Variants in ITPR2 observed in about 807,000 individuals in gnomAD.
ITPR2 encodes inositol 1,4,5-trisphosphate-gated calcium channel ITPR2.
ITPR2 carries 207 observed loss-of-function variants against 317.1 expected under a neutral mutation model. The observed-to-expected ratio is 0.65, with a 90% CI of 0.58 to 0.73. The LOEUF is 0.73. Ranked by LOEUF, ITPR2 falls within the 30% of genes least tolerant of loss-of-function variation. ITPR2 has a pLI of 0.00. For missense variants in ITPR2, 2,613 were observed against 3,284.0 expected (o/e 0.80, Z 4.99); for synonymous variants, 1,156 against 1,149.1 (o/e 1.01, Z -0.12).
chr12:26,564,009 C>T (rs78913318), intron 34 of ITPR2, among the ~76,000 whole-genome samples: 5,520 of 152,226 alleles, frequency 0.036, 273 homozygotes, highest in African/African-American at 0.1. Context: ...TAATTATTGT[C>T]CTCAGAGAAT....
intron 1 of ITPR2, among the ~76,000 whole-genome samples, chr12:26,820,971 G>C (rs1950929993): frequency 6.6e-6 from 1 of 152,126 alleles, no homozygotes; most frequent in Non-Finnish European, 1.5e-5. Context: ...ACCAGGGGCT[G>C]GGGTAAGGAG....
At position 26,381,562 on chromosome 12, in the gene ITPR2, C is replaced by T. The variant is rs536340605; in HGVS notation, c.7857+5872G>A. ...TGCATAACAAAGATTTTCTCTATAC[C>T]TGATTATAGCTTTCAAGAAACTTAT... On this transcript the variant is annotated intron_variant, in intron 55 of 56. Coordinates refer to ENST00000381340, the MANE Select transcript of ITPR2 (RefSeq NM_002223.4). 2.8e-4 allele frequency among the ~76,000 whole-genome samples: 42 copies of T among 152,242 alleles called. No homozygotes were observed. The South Asian group carries it at 8.3e-3, about 30-fold the overall frequency.
chr12:26,596,990 C>T lies in ITPR2; in HGVS notation c.4147G>A (p.Ala1383Thr). 6.2e-7 allele frequency: 1 copy of T among 1,613,646 alleles called. No homozygotes were observed. The change falls in exon 31 of 57, where the codon GCA becomes ACA. Residue 1383 changes from alanine to threonine, a missense_variant. Transcript: ENST00000381340. ...AYHITLVELL[A>T]ACTEGKNVYT... ...ACATTTTTCCCCTCTGTGCATGCTG[C>T]CAGCAACTCCACCAGGGTGATGTGG...
chr12:26,441,266 C>T (rs1941482825), intron 46 of ITPR2, among the ~76,000 whole-genome samples: 1 of 152,134 alleles, frequency 6.6e-6, no homozygotes, highest in South Asian at 2.1e-4. Flanking sequence ...GAGGGCAATT[C>T]CTTCTTAGAT....
intron 45 of ITPR2, among the ~76,000 whole-genome samples, chr12:26,468,620 T>C (rs1373260388): frequency 6.6e-6 from 1 of 151,260 alleles, no homozygotes; most frequent in Non-Finnish European, 1.5e-5. Flanking sequence ...TAAGCTCCAG[T>C]GGCAGAAATT....
chr12:26,619,178 T>A, intron 26 of ITPR2, among the ~76,000 whole-genome samples: 1 of 152,362 alleles, frequency 6.6e-6, no homozygotes, highest in South Asian at 2.1e-4. Context: ...ATATATCACA[T>A]AGGGAACTGG....
At chr12:26,802,719 C>G (rs542531202) in intron 1 of ITPR2, among the ~76,000 whole-genome samples, 24 of 151,516 alleles carry the variant, frequency 1.6e-4, no homozygotes, top group Non-Finnish European at 3.4e-4. Context: ...ATAAAGAGAG[C>G]CATTACATCA....
intron 34 of ITPR2, among the ~76,000 whole-genome samples, chr12:26,569,877 GGC>G (rs1414506550): frequency 1.3e-5 from 2 of 152,058 alleles, no homozygotes; most frequent in Non-Finnish European, 2.9e-5. Context: ...CTCTACAGAG[GGC>G]AGCATCCGTC....
intron 37 of ITPR2, among the ~76,000 whole-genome samples, chr12:26,519,125 C>T (rs1943601336): frequency 6.6e-6 from 1 of 152,168 alleles, no homozygotes; most frequent in African/African-American, 2.4e-5. Flanking sequence ...CAATCCAGCA[C>T]TTTTTAACTG....
intron 2 of ITPR2, among the ~76,000 whole-genome samples, chr12:26,773,061 A>T (rs1949900711): frequency 6.6e-6 from 1 of 152,196 alleles, no homozygotes; most frequent in Non-Finnish European, 1.5e-5. Flanking sequence ...AGCTTCAGCC[A>T]TGTCCCTGCA....
chr12:26,657,971 T>C (rs1947412198), intron 17 of ITPR2, 40 bp downstream of exon 17: 1 of 1,602,002 alleles, frequency 6.2e-7, no homozygotes. Context: ...TGCTTACAAA[T>C]AATCAACAGG....
chr12:26,443,626 G>A lies in ITPR2; in HGVS notation c.6367C>T (p.Gln2123Ter). Residue 2123 changes from glutamine to a stop codon, truncating the protein, a stop_gained, in exon 46 of 57, where the codon CAG becomes TAG. Transcript: ENST00000381340. LOFTEE classifies it high-confidence loss of function. ...HQLARHNKLLQQMLKPGSDPD... is the reference protein window; with the variant it reads ...HQLARHNKLL ...TCCGATCCTGGTTTGAGCATCTGCT[G>A]CAACAGTTTATTGTGGCGGGCCAAC... 2 of 1,612,904 alleles carry A rather than the reference G, an allele frequency of 1.2e-6. No individual in the cohort carries two copies. Among genetic ancestry groups the A allele is most frequent in the Non-Finnish European group, 1.7e-6 (2 of 1,179,142 alleles).
intron 45 of ITPR2, among the ~76,000 whole-genome samples, chr12:26,459,297 G>A (rs1012997802): frequency 3.3e-5 from 5 of 152,154 alleles, no homozygotes; most frequent in African/African-American, 4.8e-5. Context: ...CTCTTCTCCA[G>A]GTTTTAGAAC....
At chr12:26,707,580 G>A (rs1948575097) in intron 9 of ITPR2, among the ~76,000 whole-genome samples, 1 of 152,170 alleles carries the variant, frequency 6.6e-6, no homozygotes, top group African/African-American at 2.4e-5. Context: ...TGCCCACGCT[G>A]AAGTGCAATG....
At chr12:26,750,532 T>A (rs1949396101) in intron 2 of ITPR2, among the ~76,000 whole-genome samples, 1 of 152,216 alleles carries the variant, frequency 6.6e-6, no homozygotes, top group South Asian at 2.1e-4. Flanking sequence ...GTTAAGAAGT[T>A]CACCCTGTGC....
intron 2 of ITPR2, among the ~76,000 whole-genome samples, chr12:26,758,642 G>A (rs547142930): frequency 2.1e-4 from 32 of 152,320 alleles, no homozygotes; most frequent in African/African-American, 6.0e-4. Flanking sequence ...GCTCCAGGTA[G>A]GACAGGGCAT....
chr12:26,722,602 C>T, intron 4 of ITPR2, 47 bp from the exon 5 acceptor site: 1 of 1,368,220 alleles, frequency 7.3e-7, no homozygotes. Context: ...TTGTTCTCCT[C>T]TGTTAATTAC....
At chr12:26,715,568 T>A in intron 7 of ITPR2, 123 bp from the exon 8 acceptor site, 1 of 918,326 alleles carries the variant, frequency 1.1e-6, no homozygotes, top group Non-Finnish European at 1.6e-6. Context: ...TAAATTTATT[T>A]AATGCTTATT....
At chr12:26,366,533 G>A (rs1181056812) in intron 55 of ITPR2, among the ~76,000 whole-genome samples, 11 of 151,888 alleles carry the variant, frequency 7.2e-5, no homozygotes, top group Non-Finnish European at 1.6e-4. Flanking sequence ...CAAGTTCTTC[G>A]CCACTGTTGT....
Sources: gnomAD v4.1 joint callset for allele counts (sites outside exome capture counted in the v4.1 genomes callset) on GRCh38, gnomAD v4.1.1 for gene constraint, MANE v1.5 for transcripts, NCBI Gene and HGNC (gene_info 2026-07-23, HGNC 2026-07-21) for gene names.